The following AFAP1 variants were observed in gnomAD, a reference collection of about 807,000 sequenced individuals.
AFAP1 encodes the protein actin filament associated protein 1, also known as actin filament-associated protein 1.
In AFAP1, 75 loss-of-function variants were observed where a neutral mutation model predicts 93.9. The ratio of observed to expected loss-of-function variants is 0.80; its 90% confidence interval spans 0.66 to 0.97. The LOEUF (loss-of-function observed/expected upper bound fraction) is 0.97. Among genes scored for constraint, AFAP1 ranks in the 50% least tolerant of loss-of-function variants. The pLI is 0.00. For missense variants in AFAP1, 1,201 were observed against 1,050.8 expected, an observed-to-expected ratio of 1.14 and a Z score of -1.98; for synonymous variants, 517 against 430.7, an observed-to-expected ratio of 1.20 and a Z score of -2.48.
chr4:7,868,959 A>AAGAAAAG (rs1199335913), intron 2 of AFAP1, among the ~76,000 whole-genome samples: 7 of 151,956 alleles, frequency 4.6e-5, no homozygotes, highest in African/African-American at 1.7e-4. Context: ...GGGAAAGGGA[A>AAGAAAAG]AGAAAAGAGA....
chr4:7,786,305 C>A lies in AFAP1; in HGVS notation c.1419G>T (p.Met473Ile). The A allele has an allele frequency of 6.2e-7, 1 of 1,613,070 alleles. No homozygotes were observed. The highest frequency in any genetic ancestry group is 1.7e-5 in the Admixed American group (1 of 59,994). ...IQTAKQTFCF[M>I]NRRVISANPY... ...GGTTAGCAGATATAACACGCCTGTT[C>A]ATGAAACTGAAAGAAAGGAAATGCG... Residue 473 changes from methionine to isoleucine, a missense_variant, in exon 12 of 18, where the codon ATG (methionine) becomes ATT (isoleucine). Coordinates refer to ENST00000420658, the MANE Select transcript of AFAP1 (RefSeq NM_001134647.2).
At chr4:7,877,982 C>G (rs1717610827) in intron 1 of AFAP1, among the ~76,000 whole-genome samples, 3 of 152,140 alleles carry the variant, frequency 2.0e-5, no homozygotes, top group Non-Finnish European at 2.9e-5. Flanking sequence ...TCAACATAAA[C>G]CAAGTGCTCA....
chr4:7,858,225 C>T (rs1380523235), intron 3 of AFAP1, among the ~76,000 whole-genome samples: 1 of 152,168 alleles, frequency 6.6e-6, no homozygotes, highest in Non-Finnish European at 1.5e-5. Flanking sequence ...CTTACATATA[C>T]ACAGAGGCAG....
intron 1 of AFAP1, among the ~76,000 whole-genome samples, chr4:7,926,822 C>T (rs1487398799): frequency 2.0e-5 from 3 of 152,140 alleles, no homozygotes; most frequent in African/African-American, 7.2e-5. Context: ...CTGCAACCTC[C>T]GCCTCCTGGT....
chr4:7,926,155 A>G (rs1239878663), intron 1 of AFAP1, among the ~76,000 whole-genome samples: 1 of 152,132 alleles, frequency 6.6e-6, no homozygotes, highest in East Asian at 1.9e-4. Context: ...ACCCAAATAC[A>G]AGATATGTTT....
At chr4:7,782,508 A>G (rs1716879100) in intron 12 of AFAP1, among the ~76,000 whole-genome samples, 1 of 152,270 alleles carries the variant, frequency 6.6e-6, no homozygotes, top group African/African-American at 2.4e-5. Flanking sequence ...TTATTTTAGC[A>G]GAAAATCTCT....
chr4:7,897,804 G>T (rs1192168359), intron 1 of AFAP1, among the ~76,000 whole-genome samples: 1 of 152,068 alleles, frequency 6.6e-6, no homozygotes, highest in East Asian at 1.9e-4. Flanking sequence ...AATAAGTGCT[G>T]GAATTACAGG....
At chr4:7,821,681 T>C (rs187255316) in intron 6 of AFAP1, among the ~76,000 whole-genome samples, 2 of 152,312 alleles carry the variant, frequency 1.3e-5, no homozygotes, top group East Asian at 3.9e-4. Context: ...CTCAAGCTTC[T>C]TCTGGGCAAA....
intron 9 of AFAP1, among the ~76,000 whole-genome samples, chr4:7,805,629 A>G (rs140947442): frequency 6.6e-6 from 1 of 152,312 alleles, no homozygotes; most frequent in East Asian, 1.9e-4. Flanking sequence ...CATTTCCTAG[A>G]TGGAGGAGCC....
At position 7,896,540 on chromosome 4, in the gene AFAP1, CCACACCCAGGGCTCAGTCCTCACTCCCCA is replaced by C. The variant is rs1718780366; in HGVS notation, c.-2-24489_-2-24461del. Among the ~76,000 whole-genome samples the C allele has an allele frequency of 4.0e-5, 6 of 148,778 alleles. No homozygotes were observed. The Admixed American group carries it at 4.0e-4, about 10-fold the overall frequency. On this transcript the variant is annotated intron_variant, in intron 1 of 17. Transcript: ENST00000420658. The stretch of plus-strand genomic sequence containing the variant: ...TATCAAGGCTCAGTCCTCACTCCCC[CCACACCCAGGGCTCAGTCCTCACTCCCCA>C]CACACCCAGGGCTCAGTCCTCACTC...
intron 2 of AFAP1, among the ~76,000 whole-genome samples, chr4:7,869,107 A>G (rs1463777535): frequency 1.3e-5 from 2 of 151,740 alleles, no homozygotes. Flanking sequence ...GAGAAAGGGA[A>G]AGGGAAACGG....
At chr4:7,784,861 A>C (rs1717119821) in intron 12 of AFAP1, among the ~76,000 whole-genome samples, 1 of 152,166 alleles carries the variant, frequency 6.6e-6, no homozygotes, top group Admixed American at 6.5e-5. Flanking sequence ...GGCAGCTATG[A>C]ATTTACGATG....
chr4:7,853,803 G>A (rs1007761785), intron 4 of AFAP1, among the ~76,000 whole-genome samples: 1 of 152,196 alleles, frequency 6.6e-6, no homozygotes, highest in African/African-American at 2.4e-5. Flanking sequence ...AGGGGCGGCT[G>A]TGTCCTGGGG....
At chr4:7,798,181 G>C (rs9684251) in intron 10 of AFAP1, among the ~76,000 whole-genome samples, 1 of 87,394 alleles carries the variant, frequency 1.1e-5, no homozygotes, top group South Asian at 4.1e-4. Context: ...GCTGGCTCAC[G>C]GCACTGCAAC....
chr4:7,872,031 G>T lies in AFAP1; in HGVS notation c.48C>A (p.Asp16Glu). Residue 16 changes from aspartate (D) to glutamate (E), a missense_variant, in exon 2 of 18, where the codon GAC (aspartate) becomes GAA (glutamate). Physicochemically the swap from Asp to Glu is conservative, Grantham distance 45 (BLOSUM62 2). Transcript: ENST00000420658. The part of the protein sequence containing the change: ...VELRLFLELL[D>E]HEYLTSTVRE... ...TGACAGTTGAGGTTAGATATTCATG[G>T]TCCAGGAGTTCAAGAAAGAGACGAA... 1.2e-6 allele frequency: 2 copies of T among 1,614,088 alleles called. No homozygotes were observed. The highest frequency in any genetic ancestry group is 1.7e-6 in the Non-Finnish European group (2 of 1,179,994).
At chr4:7,918,638 C>T (rs1413365324) in intron 1 of AFAP1, among the ~76,000 whole-genome samples, 8 of 127,866 alleles carry the variant, frequency 6.3e-5, no homozygotes, top group African/African-American at 1.8e-4. Context: ...AACAGGGCTG[C>T]CGGATGAGAC....
At chr4:7,863,290 G>A (rs751377478) in intron 3 of AFAP1, among the ~76,000 whole-genome samples, 8 of 152,270 alleles carry the variant, frequency 5.3e-5, no homozygotes, top group Admixed American at 2.6e-4. Flanking sequence ...ATGATGGTGC[G>A]TGCCTGTAGT....
chr4:7,932,234 A>G (rs553584735), intron 1 of AFAP1, among the ~76,000 whole-genome samples: 1 of 151,936 alleles, frequency 6.6e-6, no homozygotes, highest in Non-Finnish European at 1.5e-5. Flanking sequence ...AAACTTCATA[A>G]AAAAAAATCA....
intron 1 of AFAP1, among the ~76,000 whole-genome samples, chr4:7,923,412 T>C (rs1439921395): frequency 6.6e-6 from 1 of 152,190 alleles, no homozygotes; most frequent in Non-Finnish European, 1.5e-5. Flanking sequence ...CAAGGACCTC[T>C]TCCTGGCTTG....
Sources: allele counts gnomAD v4.1 joint callset (sites outside exome capture counted in the v4.1 genomes callset), GRCh38; gene constraint gnomAD v4.1.1; transcripts MANE v1.5; gene names NCBI Gene and HGNC (gene_info 2026-07-23, HGNC 2026-07-21).